CSNK1G2: variants seen among roughly 807,000 people sequenced by gnomAD.
CSNK1G2 encodes the protein casein kinase 1 gamma 2, also known as casein kinase I isoform gamma-2.
In CSNK1G2, 11 loss-of-function variants were observed where a neutral mutation model predicts 48.0. That is an observed-to-expected ratio of 0.23 (90% CI 0.14 to 0.38). The LOEUF (loss-of-function observed/expected upper bound fraction) is 0.38, where lower values mean the gene tolerates loss of function less well. Ranked by LOEUF, CSNK1G2 falls within the 10% of genes least tolerant of loss-of-function variation. The pLI is 1.00. For synonymous variants in CSNK1G2, 337 were observed against 254.1 expected, an observed-to-expected ratio of 1.33 and a Z score of -3.10; for missense variants, 446 against 595.5, an observed-to-expected ratio of 0.75 and a Z score of 2.61.
chr19:1,944,940 T>A lies in CSNK1G2; in HGVS notation c.-266+3522T>A, dbSNP rs184544214. ...TCTAGCATCCCACCCTTGCTGCCCTTTTTCTGCCCCGCTCACCACCCACAT... is the reference window on the plus strand; with the variant it reads ...TCTAGCATCCCACCCTTGCTGCCCTATTTCTGCCCCGCTCACCACCCACAT... On this transcript the variant is annotated intron_variant, in intron 1 of 11. Coordinates refer to ENST00000255641, the MANE Select transcript of CSNK1G2 (RefSeq NM_001319.7). Among the ~76,000 whole-genome samples the A allele has an allele frequency of 3.0e-3, 462 of 152,276 alleles. 4 individuals are homozygous for A. Among genetic ancestry groups the A allele is most frequent in the African/African-American group, 0.01 (435 of 41,558 alleles).
At position 1,979,752 on chromosome 19, in the gene CSNK1G2, C is replaced by G. The variant is rs1239505508; in HGVS notation, c.1003C>G (p.Pro335Ala). 1.8e-5 allele frequency: 29 copies of G among 1,605,502 alleles called. No homozygotes were observed. In the East Asian group the frequency reaches 6.5e-4, roughly 36 times the overall value. ...CTGACCCCTGCTCCCTCACCCACAG[C>G]CGACCCCCATCGGCACCGTCCACAC... ...YEYDWAGKPL[P>A]TPIGTVHTDL... Residue 335 changes from proline (P) to alanine (A), a missense_variant and splice_region_variant, in exon 10 of 12, where the codon CCG becomes GCG. This residue lies in a region of CSNK1G2 where 188 missense variants were observed against 179.6 expected (regional missense o/e 1.05). Transcript: ENST00000255641.
chr19:1,966,934 G>A (rs749313899), intron 1 of CSNK1G2, among the ~76,000 whole-genome samples: 15 of 152,024 alleles, frequency 9.9e-5, no homozygotes, highest in Admixed American at 7.2e-4. Context: ...GCAGTGGTGC[G>A]ATCATAGCTC....
At chr19:1,974,088 G>C (rs2015670038) in intron 2 of CSNK1G2, among the ~76,000 whole-genome samples, 1 of 152,014 alleles carries the variant, frequency 6.6e-6, no homozygotes, top group Admixed American at 6.6e-5. Flanking sequence ...GGGTTTCACT[G>C]TGTGTTGGTT....
At chr19:1,946,294 T>TTTATTTA in intron 1 of CSNK1G2, among the ~76,000 whole-genome samples, 1 of 148,388 alleles carries the variant, frequency 6.7e-6, no homozygotes, top group Admixed American at 6.7e-5. Context: ...TTATTTTTTA[T>TTTATTTA]TTATTTATTT....
intron 2 of CSNK1G2, among the ~76,000 whole-genome samples, chr19:1,976,486 T>C (rs1156715937): frequency 6.6e-6 from 1 of 152,222 alleles, no homozygotes; most frequent in Non-Finnish European, 1.5e-5. Context: ...GACAGGGCAG[T>C]GCCAGAAGGA....
chr19:1,970,349 G>A (rs2015525169), intron 2 of CSNK1G2, among the ~76,000 whole-genome samples: 1 of 152,238 alleles, frequency 6.6e-6, no homozygotes, highest in Non-Finnish European at 1.5e-5. Flanking sequence ...GGGAGGTCTT[G>A]GCCAGCCCGG....
intron 1 of CSNK1G2, among the ~76,000 whole-genome samples, chr19:1,967,104 C>T (rs1454409581): frequency 1.3e-5 from 2 of 152,142 alleles, no homozygotes; most frequent in African/African-American, 2.4e-5. Context: ...ATACTGTGAA[C>T]GTAACTTGTG....
intron 1 of CSNK1G2, chr19:1,952,718 G>A (rs1395741993): frequency 1.1e-5 from 3 of 269,582 alleles, no homozygotes; most frequent in African/African-American, 2.4e-5. Context: ...GCGTCGCCCG[G>A]TGCACAGGGC....
intron 2 of CSNK1G2, among the ~76,000 whole-genome samples, chr19:1,971,335 G>A (rs1382068014): frequency 2.0e-5 from 3 of 152,204 alleles, no homozygotes; most frequent in East Asian, 3.8e-4. Flanking sequence ...CCACCTCTGC[G>A]CAGAGGCTGG....
At chr19:1,948,520 T>G (rs1240586807) in intron 1 of CSNK1G2, among the ~76,000 whole-genome samples, 1 of 59,762 alleles carries the variant, frequency 1.7e-5, no homozygotes, top group Non-Finnish European at 3.0e-5. Flanking sequence ...AGACTCCGTC[T>G]CAAAAAAAAA....
intron 1 of CSNK1G2, among the ~76,000 whole-genome samples, chr19:1,951,215 A>G (rs1255120291): frequency 4.1e-5 from 6 of 144,908 alleles, no homozygotes; most frequent in Non-Finnish European, 9.0e-5. Flanking sequence ...TCCTGGCTCT[A>G]CTAAAATACC....
chr19:1,974,417 C>G (rs1421738299), intron 2 of CSNK1G2, among the ~76,000 whole-genome samples: 1 of 152,194 alleles, frequency 6.6e-6, no homozygotes, highest in African/African-American at 2.4e-5. Flanking sequence ...GACTCAGATC[C>G]TCTCTCTAGG....
intron 2 of CSNK1G2, among the ~76,000 whole-genome samples, chr19:1,971,792 C>G (rs533858669): frequency 2.7e-4 from 33 of 121,934 alleles, no homozygotes; most frequent in Admixed American, 1.3e-3. Context: ...TTTTTTGAGA[C>G]GGAGTCTCGC....
chr19:1,953,813 G>A (rs775928442), intron 1 of CSNK1G2: 4 of 518,722 alleles, frequency 7.7e-6, no homozygotes, highest in Non-Finnish European at 1.6e-5. Context: ...GCTGTACCGC[G>A]ATCACCTGTG....
chr19:1,947,422 C>T (rs2014602514), intron 1 of CSNK1G2, among the ~76,000 whole-genome samples: 1 of 152,220 alleles, frequency 6.6e-6, no homozygotes, highest in South Asian at 2.1e-4. Context: ...GGCAGGCGTG[C>T]GAGGGCTCAT....
chr19:1,960,685 T>C (rs1455143699), intron 1 of CSNK1G2, among the ~76,000 whole-genome samples: 1 of 152,106 alleles, frequency 6.6e-6, no homozygotes, highest in Non-Finnish European at 1.5e-5. Flanking sequence ...GTCGGGAGTT[T>C]GAGACCAGCC....
intron 1 of CSNK1G2, chr19:1,953,135 C>G: frequency 2.6e-6 from 1 of 379,518 alleles, no homozygotes; most frequent in South Asian, 1.9e-5. Flanking sequence ...ATGGGAGCCA[C>G]CCCGGGTCCC....
intron 1 of CSNK1G2, among the ~76,000 whole-genome samples, chr19:1,968,496 A>G (rs1402030097): frequency 6.6e-6 from 1 of 152,094 alleles, no homozygotes; most frequent in Admixed American, 6.5e-5. Flanking sequence ...AGCGACCTGC[A>G]CAGAGTCCCC....
At position 1,979,336 on chromosome 19, in the gene CSNK1G2, G is replaced by C. The variant is rs772975375; in HGVS notation, c.786G>C (p.Glu262Asp). The C allele has an allele frequency of 6.2e-7, 1 of 1,604,420 alleles. No individual in the cohort carries two copies. Among genetic ancestry groups the C allele is most frequent in the African/African-American group, 1.3e-5 (1 of 74,822 alleles). Residue 262 changes from glutamate to aspartate, a missense_variant, in exon 8 of 12, where the codon GAG becomes GAC. By Grantham distance (45) the Glu-to-Asp change is conservative. Around this residue, in one of 2 missense-constraint regions of CSNK1G2, gnomAD observed 258 missense variants for 415.9 expected, o/e 0.62. Coordinates refer to ENST00000255641, the MANE Select transcript of CSNK1G2 (RefSeq NM_001319.7). Reference protein sequence around the residue: ...WQGLKADTLKERYQKIGDTKR... With the variant: ...WQGLKADTLKDRYQKIGDTKR... Reference sequence around the variant, plus strand: ...CCCCGCAGGCCGACACGCTCAAGGAGCGGTACCAGAAGATCGGGGACACCA... The same window carrying C: ...CCCCGCAGGCCGACACGCTCAAGGACCGGTACCAGAAGATCGGGGACACCA...
Sources: gnomAD v4.1 joint callset for allele counts (sites outside exome capture counted in the v4.1 genomes callset) on GRCh38, gnomAD v4.1.1 for gene constraint, gnomAD v4.1.1 regional missense constraint, MANE v1.5 for transcripts, NCBI Gene and HGNC (gene_info 2026-07-23, HGNC 2026-07-21) for gene names.